CWC27: variants seen among roughly 807,000 people sequenced by gnomAD.
CWC27 encodes CWC27 spliceosome associated cyclophilin.
Under a neutral mutation model 63.6 loss-of-function variants are expected in CWC27, and 47 were observed. The ratio of observed to expected loss-of-function variants is 0.74; its 90% CI spans 0.58 to 0.94. The LOEUF is 0.94. Ranked by LOEUF, CWC27 falls within the 40% of genes least tolerant of loss-of-function variation. CWC27 has a pLI of 0.00. For synonymous variants in CWC27, 175 were observed against 179.8 expected (o/e 0.97, Z 0.22); for missense variants, 495 against 554.3 (o/e 0.89, Z 1.07).
intron 9 of CWC27, 120 bp from the exon 10 acceptor site, chr5:64,804,109 C>G (rs1254882161): frequency 4.4e-6 from 4 of 914,450 alleles, no homozygotes; most frequent in Non-Finnish European, 4.6e-6. Flanking sequence ...CAAAAGAAAA[C>G]AAAATAAAAA....
chr5:64,961,265 T>C (rs1341023981), intron 11 of CWC27, among the ~76,000 whole-genome samples: 1 of 152,206 alleles, frequency 6.6e-6, no homozygotes, highest in Non-Finnish European at 1.5e-5. Flanking sequence ...AGCTAAGTAA[T>C]GTCACTTACC....
chr5:64,780,537 T>G (rs922507017), intron 2 of CWC27, among the ~76,000 whole-genome samples: 2 of 148,310 alleles, frequency 1.3e-5, no homozygotes, highest in African/African-American at 4.9e-5. Context: ...ATATATATAT[T>G]ATATATAATT....
chr5:64,997,439 G>A (rs1749653120), intron 13 of CWC27, among the ~76,000 whole-genome samples: 1 of 152,120 alleles, frequency 6.6e-6, no homozygotes, highest in Non-Finnish European at 1.5e-5. Flanking sequence ...TTCATCTTCA[G>A]TGTAGTCATT....
rs141457768 is a variant in CWC27 at position 64,939,155 on chromosome 5, G to A, written c.1043-32548G>A. On this transcript the variant is annotated intron_variant, in intron 11 of 13. Coordinates refer to ENST00000381070, the MANE Select transcript of CWC27 (RefSeq NM_005869.4). ...CATCCAGTTTTGTTCCCTTGCTGGC[G>A]AGAAGTTGTGATCCTTTGGAGGAGA... is the stretch of plus-strand genomic sequence containing the variant. 5.2e-3 allele frequency among the ~76,000 whole-genome samples: 796 copies of A among 152,198 alleles called. 6 individuals carry two copies. Among genetic ancestry groups the A allele is most frequent in the African/African-American group, 0.018 (754 of 41,522 alleles).
intron 10 of CWC27, among the ~76,000 whole-genome samples, chr5:64,883,452 T>C (rs1465299595): frequency 6.6e-6 from 1 of 152,156 alleles, no homozygotes; most frequent in African/African-American, 2.4e-5. Flanking sequence ...AATGCCAGTG[T>C]ACAAAGTATA....
intron 10 of CWC27, among the ~76,000 whole-genome samples, chr5:64,864,076 CT>C (rs1416274733): frequency 6.6e-6 from 1 of 152,084 alleles, no homozygotes; most frequent in African/African-American, 2.4e-5. Flanking sequence ...CTGCATAATT[CT>C]TATTTTTTTA....
At chr5:64,805,430 C>T (rs1744635303) in intron 10 of CWC27, among the ~76,000 whole-genome samples, 1 of 151,362 alleles carries the variant, frequency 6.6e-6, no homozygotes, top group Admixed American at 6.6e-5. Context: ...ATGCATGCTT[C>T]TAGATTCATA....
At chr5:64,933,707 G>A (rs551892068) in intron 11 of CWC27, among the ~76,000 whole-genome samples, 363 of 152,002 alleles carry the variant, frequency 2.4e-3, no homozygotes, top group Middle Eastern at 6.9e-3. Flanking sequence ...TGGCCAGGCT[G>A]GTCTCAAACT....
In CWC27 at chr5:64,771,858, A is replaced by G. The variant is rs80091320; in HGVS notation, c.42+2670A>G. On this transcript the variant is annotated intron_variant, in intron 1 of 13. Transcript: ENST00000381070. ...TCAGTAGCTTATTAATGAAAAGATT[A>G]AGAAACCCTGGTGAGCAAAGTGGCC... Among the ~76,000 whole-genome samples the G allele has an allele frequency of 8.2e-3, 1,252 of 152,308 alleles. 20 individuals carry two copies. Among genetic ancestry groups the G allele is most frequent in the African/African-American group, 0.027 (1,136 of 41,562 alleles).
At chr5:64,880,258 C>A (rs1005419073) in intron 10 of CWC27, among the ~76,000 whole-genome samples, 4 of 151,884 alleles carry the variant, frequency 2.6e-5, no homozygotes, top group African/African-American at 7.2e-5. Context: ...GGAATTTAGG[C>A]TCCTTGAACA....
intron 11 of CWC27, among the ~76,000 whole-genome samples, chr5:64,917,714 T>C (rs1220477854): frequency 2.0e-5 from 3 of 152,210 alleles, no homozygotes; most frequent in Admixed American, 6.5e-5. Context: ...CTGGGACATT[T>C]GTTTCTTCCT....
intron 11 of CWC27, among the ~76,000 whole-genome samples, chr5:64,886,350 G>T (rs1317655339): frequency 6.6e-6 from 1 of 152,062 alleles, no homozygotes; most frequent in African/African-American, 2.4e-5. Flanking sequence ...CAGTGAATAT[G>T]ATCAGAAATT....
At chr5:64,853,501 A>G (rs1746184744) in intron 10 of CWC27, among the ~76,000 whole-genome samples, 2 of 152,180 alleles carry the variant, frequency 1.3e-5, no homozygotes, top group African/African-American at 2.4e-5. Context: ...CATCTTAACC[A>G]TTATATTAGT....
intron 13 of CWC27, among the ~76,000 whole-genome samples, chr5:65,000,652 T>C (rs1749716370): frequency 6.6e-6 from 1 of 152,124 alleles, no homozygotes. Flanking sequence ...GTGCATTTAT[T>C]TCTGGGTTCT....
chr5:64,977,054 C>A, intron 12 of CWC27, 81 bp from the exon 13 acceptor site: 1 of 811,190 alleles, frequency 1.2e-6, no homozygotes, highest in Non-Finnish European at 1.8e-6. Flanking sequence ...AGGATATTTC[C>A]TTTTCTACCA....
intron 13 of CWC27, among the ~76,000 whole-genome samples, chr5:65,000,352 G>C (rs1749710119): frequency 6.6e-6 from 1 of 151,840 alleles, no homozygotes; most frequent in South Asian, 2.1e-4. Context: ...AGTCTCATTT[G>C]TCTGTTTTTG....
At chr5:64,980,113 G>T (rs1487048556) in intron 13 of CWC27, among the ~76,000 whole-genome samples, 2 of 152,144 alleles carry the variant, frequency 1.3e-5, no homozygotes, top group Non-Finnish European at 2.9e-5. Flanking sequence ...AAACTGAAAT[G>T]CATGATAGAA....
intron 11 of CWC27, among the ~76,000 whole-genome samples, chr5:64,940,796 T>G (rs1237806330): frequency 6.6e-6 from 1 of 151,618 alleles, no homozygotes; most frequent in Non-Finnish European, 1.5e-5. Context: ...TCATTTTTAC[T>G]TGGCCAGTGG....
intron 7 of CWC27, 41 bp downstream of exon 7, chr5:64,789,061 A>ACCCCAATCTCTT: frequency 2.2e-6 from 3 of 1,387,384 alleles, no homozygotes; most frequent in Non-Finnish European, 3.0e-6. Flanking sequence ...TACAAAAGAG[A>ACCCCAATCTCTT]TTGGGGTCTA....
Sources: allele counts gnomAD v4.1 joint callset (sites outside exome capture counted in the v4.1 genomes callset), GRCh38; gene constraint gnomAD v4.1.1; transcripts MANE v1.5; gene names NCBI Gene and HGNC (gene_info 2026-07-23, HGNC 2026-07-21).